CSMD2: variants seen among roughly 807,000 people sequenced by gnomAD.
The protein encoded by CSMD2 is CUB and sushi domain-containing protein 2.
Under a neutral mutation model 398.5 loss-of-function variants are expected in CSMD2, and 130 were observed. That is an observed-to-expected ratio of 0.33 (90% CI 0.28 to 0.38). The LOEUF is 0.38. CSMD2 is among the 10% of genes least tolerant of loss of function. The pLI, the probability that CSMD2 is intolerant of heterozygous loss-of-function variation, is 1.00. For missense variants in CSMD2, 3,829 were observed against 4,764.9 expected (o/e 0.80, Z 5.78); for synonymous variants, 1,828 against 1,908.5 (o/e 0.96, Z 1.10).
At chr1:33,586,429 G>A in intron 46 of CSMD2, 75 bp downstream of exon 46, 2 of 964,096 alleles carry the variant, frequency 2.1e-6, no homozygotes, top group Admixed American at 1.8e-5. Flanking sequence ...ACTGGGAATA[G>A]AAAGAGGAGC....
chr1:33,535,648 G>A (rs1425222448), intron 62 of CSMD2, among the ~76,000 whole-genome samples: 3 of 152,186 alleles, frequency 2.0e-5, no homozygotes, highest in African/African-American at 7.2e-5. Flanking sequence ...TTACACACCA[G>A]GACCAAGCTG....
intron 5 of CSMD2, among the ~76,000 whole-genome samples, chr1:33,883,991 G>A (rs1641412399): frequency 6.6e-6 from 1 of 152,098 alleles, no homozygotes; most frequent in Non-Finnish European, 1.5e-5. Context: ...GGACTCTCTA[G>A]GCCAGGCAGG....
chr1:33,909,249 A>G (rs1335910252), intron 5 of CSMD2, among the ~76,000 whole-genome samples: 1 of 152,146 alleles, frequency 6.6e-6, no homozygotes, highest in Non-Finnish European at 1.5e-5. Flanking sequence ...CAAATAGGAC[A>G]TTGAGATGAT....
intron 25 of CSMD2, among the ~76,000 whole-genome samples, chr1:33,683,198 G>C (rs1644962692): frequency 6.7e-6 from 1 of 148,452 alleles, no homozygotes; most frequent in African/African-American, 2.6e-5. Context: ...CTTAATCACT[G>C]TCTGTCTATT....
At chr1:33,966,120 G>A (rs936132592) in intron 3 of CSMD2, among the ~76,000 whole-genome samples, 2 of 152,162 alleles carry the variant, frequency 1.3e-5, no homozygotes, top group Non-Finnish European at 2.9e-5. Context: ...AAATCTTACA[G>A]GACAGGAAAC....
At position 33,622,164 on chromosome 1, in the gene CSMD2, C is replaced by A; in HGVS notation, c.5827+3G>T. ...TGTACCAGCCAAGACCCTGGATTCT[C>A]ACTTTTGTACTCCAAGTGGAAGCCA... On this transcript the variant is annotated splice_donor_region_variant and intron_variant, in intron 37 of 70. Coordinates refer to ENST00000373381, the MANE Select transcript of CSMD2 (RefSeq NM_001281956.2). 1.2e-6 allele frequency: 2 copies of A among 1,608,732 alleles called. No individual in the cohort carries two copies. Among genetic ancestry groups the A allele is most frequent in the South Asian group, 2.2e-5 (2 of 90,954 alleles).
At chr1:33,556,635 G>T (rs1658002374) in intron 55 of CSMD2, among the ~76,000 whole-genome samples, 2 of 152,186 alleles carry the variant, frequency 1.3e-5, no homozygotes, top group South Asian at 4.1e-4. Flanking sequence ...GGGACCAGAT[G>T]TCAGGTGATA....
intron 5 of CSMD2, among the ~76,000 whole-genome samples, chr1:33,910,945 T>C (rs1447564344): frequency 1.3e-5 from 2 of 152,270 alleles, no homozygotes; most frequent in African/African-American, 4.8e-5. Flanking sequence ...CAAAGAATCC[T>C]GGCTATTACA....
chr1:33,698,994 C>CCATG lies in CSMD2; in HGVS notation c.3734-54_3734-51dup, dbSNP rs1378054791. 8.7e-6 allele frequency: 13 copies of CCATG among 1,498,748 alleles called. No individual in the cohort carries two copies. The African/African-American group carries it at 1.8e-4, about 21-fold the overall frequency. 92.8% of individuals were successfully genotyped at this position (1,498,748 alleles called of 1,614,324 possible). On this transcript the variant is annotated intron_variant, in intron 23 of 70. Coordinates refer to ENST00000373381, the MANE Select transcript of CSMD2 (RefSeq NM_001281956.2). ...TGAGTAAGACCTATTGTGGCAGAAA[C>CCATG]CATGCTTCCTCTCTTCCCTCAAAGC...
intron 4 of CSMD2, among the ~76,000 whole-genome samples, chr1:33,920,037 G>A (rs940517968): frequency 9.2e-5 from 14 of 152,188 alleles, no homozygotes; most frequent in African/African-American, 3.4e-4. Context: ...GGGCTATCTG[G>A]TGTTGGGAGT....
chr1:33,605,378 C>G lies in CSMD2; in HGVS notation c.6436G>C (p.Glu2146Gln). The G allele has an allele frequency of 6.2e-7, 1 of 1,614,170 alleles. No homozygotes were observed. The highest frequency in any genetic ancestry group is 8.5e-7 in the Non-Finnish European group (1 of 1,180,030). Reference protein sequence around the residue: ...GYNVGQSVTFECLPGYQLTGH... With the variant: ...GYNVGQSVTFQCLPGYQLTGH... ...GTCAATTGATACCCCGGGAGGCACT[C>G]GAAGGTCACTGATTGTCCCACGTTG... The change falls in exon 42 of 71, where the codon GAG becomes CAG. Residue 2146 changes from glutamate to glutamine, a missense_variant. This residue lies in a region of CSMD2 where 723 missense variants were observed against 758.6 expected (regional missense o/e 0.95). Transcript: ENST00000373381.
At chr1:33,985,286 TG>T (rs1646318583) in intron 3 of CSMD2, among the ~76,000 whole-genome samples, 1 of 152,114 alleles carries the variant, frequency 6.6e-6, no homozygotes. Flanking sequence ...TAAATTTAGC[TG>T]GGAGCTAGGC....
At chr1:34,150,888 C>G (rs141902734) in intron 1 of CSMD2, among the ~76,000 whole-genome samples, 1,661 of 152,148 alleles carry the variant, frequency 0.011, 11 homozygotes, top group Non-Finnish European at 0.017. Flanking sequence ...CCACTGCACT[C>G]CAGCCTGGGT....
chr1:33,530,911 T>C (rs1655172817), intron 64 of CSMD2, among the ~76,000 whole-genome samples: 1 of 151,834 alleles, frequency 6.6e-6, no homozygotes, highest in Admixed American at 6.6e-5. Flanking sequence ...TTAATAGAAG[T>C]AGAGAGTAGA....
chr1:34,112,383 A>G (rs1031943908), intron 1 of CSMD2, among the ~76,000 whole-genome samples: 2 of 152,166 alleles, frequency 1.3e-5, no homozygotes, highest in Non-Finnish European at 2.9e-5. Context: ...CCCAGCCTAT[A>G]TAACTACCTG....
intron 2 of CSMD2, among the ~76,000 whole-genome samples, chr1:34,050,326 C>G (rs1415633942): frequency 1.3e-5 from 2 of 152,168 alleles, no homozygotes; most frequent in African/African-American, 4.8e-5. Context: ...ATTTGCTTTC[C>G]CTGTATGCAG....
chr1:33,775,785 A>C (rs1651890459), intron 12 of CSMD2, among the ~76,000 whole-genome samples: 1 of 152,180 alleles, frequency 6.6e-6, no homozygotes, highest in African/African-American at 2.4e-5. Context: ...AAGCCATGAC[A>C]AGGATGAAAT....
chr1:33,937,065 T>C (rs1422502381), intron 3 of CSMD2, among the ~76,000 whole-genome samples: 2 of 152,198 alleles, frequency 1.3e-5, no homozygotes, highest in Non-Finnish European at 2.9e-5. Flanking sequence ...AGTTTCCTCA[T>C]TTGTAAGATA....
intron 52 of CSMD2, 114 bp from the exon 53 acceptor site, chr1:33,567,955 A>G (rs977092407): frequency 7.7e-7 from 1 of 1,304,516 alleles, no homozygotes; most frequent in African/African-American, 1.5e-5. Context: ...CAGCATGACA[A>G]AAATAGTGTT....
Sources: allele counts gnomAD v4.1 joint callset (sites outside exome capture counted in the v4.1 genomes callset), GRCh38; gene constraint gnomAD v4.1.1; regional missense constraint gnomAD v4.1.1; transcripts MANE v1.5; gene names NCBI Gene and HGNC (gene_info 2026-07-23, HGNC 2026-07-21).